Variants in FRY observed in about 807,000 individuals in gnomAD.
FRY encodes protein furry homolog.
A neutral mutation model predicts 348.4 loss-of-function variants in FRY; 128 were observed. The observed-to-expected ratio is 0.37, with a 90% CI of 0.32 to 0.43. FRY has a LOEUF of 0.43. Among genes scored for constraint, FRY ranks in the 20% least tolerant of loss-of-function variants. The pLI, the probability that FRY is intolerant of heterozygous loss-of-function variation, is 1.00. For synonymous variants in FRY, 1,370 were observed against 1,374.7 expected (o/e 1.00, Z 0.08); for missense variants, 2,736 against 3,695.2 (o/e 0.74, Z 6.73).
In FRY at chr13:32,209,147, C is replaced by T. The variant is rs113074150; in HGVS notation, c.4275+38C>T. The T allele has an allele frequency of 7.3e-4, 1,170 of 1,612,570 alleles. 6 individuals carry two copies. The African/African-American group carries it at 0.014, about 19-fold the overall frequency. ...GAATTGTGCTTCAAATAGCATGGCT[C>T]CATCATCAGAAAAAAACCCTGGGTT... is the stretch of plus-strand genomic sequence containing the variant. On this transcript the variant is annotated intron_variant, in intron 32 of 60. Transcript: ENST00000542859.
Position 32,239,215 on chromosome 13 carries a change from A to G in FRY, c.6419-37A>G, listed in dbSNP as rs778865349. Reference sequence around the variant, plus strand: ...CCACTGTTAACAGCTAAAATATACCATATTCAGCTATCTCCATTGTATCTT... The same window carrying G: ...CCACTGTTAACAGCTAAAATATACCGTATTCAGCTATCTCCATTGTATCTT... On this transcript the variant is annotated intron_variant, in intron 44 of 60. Coordinates refer to ENST00000542859, the MANE Select transcript of FRY (RefSeq NM_023037.3). The surrounding 1 kb of genome is among the most constrained non-coding windows in gnomAD (Gnocchi z 4.3). 15 of 1,212,410 alleles carry G rather than the reference A, an allele frequency of 1.2e-5. No individual in the cohort carries two copies. The highest frequency in any genetic ancestry group is 3.0e-5 in the African/African-American group (2 of 67,206). The allele number at this position is 1,212,410 out of a possible 1,614,324, so 75.1% of individuals were successfully genotyped here.
At chr13:32,275,098 G>A (rs777632245) in intron 56 of FRY, 107 bp downstream of exon 56, 2 of 1,031,092 alleles carry the variant, frequency 1.9e-6, no homozygotes, top group Non-Finnish European at 1.5e-6. Flanking sequence ...ATACCTTCTG[G>A]CCGGGTGCGG....
In FRY at chr13:32,136,953, A is replaced by G. The variant is rs759498204; in HGVS notation, c.1160A>G (p.Asn387Ser). The change falls in exon 11 of 61, where the codon AAC becomes AGC. Residue 387 changes from asparagine to serine, a missense_variant. Asn to Ser is a conservative substitution (Grantham distance 46). This residue lies in a region of FRY where 191 missense variants were observed against 370.2 expected (regional missense o/e 0.52). Coordinates refer to ENST00000542859, the MANE Select transcript of FRY (RefSeq NM_023037.3). ...AACAGGTGGCACATTTTCCTCAACA[A>G]CTGCTTGTCCAACCTTAAAGTTAGT... ...FLNRWHIFLNNCLSNLKNKDP... is the reference protein window; with the variant it reads ...FLNRWHIFLNSCLSNLKNKDP... The G allele has an allele frequency of 1.3e-5, 20 of 1,588,882 alleles. No homozygotes were observed. The highest frequency in any genetic ancestry group is 1.6e-5 in the Non-Finnish European group (19 of 1,156,992).
intron 11 of FRY, among the ~76,000 whole-genome samples, chr13:32,146,678 A>G (rs1207836426): frequency 6.6e-6 from 1 of 152,072 alleles, no homozygotes; most frequent in African/African-American, 2.4e-5. Context: ...TGAGTTTGCC[A>G]TATGTTGCCC....
intron 17 of FRY, among the ~76,000 whole-genome samples, chr13:32,168,738 T>C (rs1237745921): frequency 6.6e-6 from 1 of 152,120 alleles, no homozygotes; most frequent in Non-Finnish European, 1.5e-5. Context: ...AGACAGTAAA[T>C]ATATTCCCTG....
At chr13:32,168,097 G>A (rs556632338) in intron 17 of FRY, among the ~76,000 whole-genome samples, 95 of 152,278 alleles carry the variant, frequency 6.2e-4, no homozygotes, top group African/African-American at 2.2e-3. Flanking sequence ...ATGGAGACTG[G>A]CAGGTCCAAA....
chr13:32,209,635 A>T lies in FRY; in HGVS notation c.4326A>T (p.Leu1442Phe). 1 of 1,614,054 alleles carries T rather than the reference A, an allele frequency of 6.2e-7. No individual in the cohort carries two copies. The highest frequency in any genetic ancestry group is 1.3e-5 in the African/African-American group (1 of 75,048). ...GPEMENAWNA[L>F]ANNEKWSNNL... ...AAATGGAAAATGCTTGGAATGCTTT[A>T]GCCAACAATGAGAAATGGAGCAACA... is the stretch of plus-strand genomic sequence containing the variant. The change falls in exon 33 of 61, where the codon TTA (leucine) becomes TTT (phenylalanine). Residue 1442 changes from leucine (L) to phenylalanine (F), a missense_variant. By Grantham distance (22) the Leu-to-Phe change is conservative. Transcript: ENST00000542859.
chr13:32,259,577 G>T (rs530140204), intron 51 of FRY, among the ~76,000 whole-genome samples: 3 of 152,262 alleles, frequency 2.0e-5, no homozygotes, highest in South Asian at 4.1e-4. Flanking sequence ...CTCCAGAATC[G>T]CTGCCTAAGA....
At chr13:32,097,362 CT>C (rs34054013) in intron 2 of FRY, among the ~76,000 whole-genome samples, 1,828 of 126,452 alleles carry the variant, frequency 0.014, 31 homozygotes, top group African/African-American at 0.047. Context: ...CCTTTTTTTC[CT>C]TTTTTTTTTT....
At chr13:32,082,238 A>C (rs943880937) in intron 2 of FRY, among the ~76,000 whole-genome samples, 1 of 150,434 alleles carries the variant, frequency 6.6e-6, no homozygotes, top group African/African-American at 2.4e-5. Context: ...AAAAAAAAAA[A>C]CAGGAAATAA....
At chr13:32,079,601 A>G (rs180759002) in intron 2 of FRY, among the ~76,000 whole-genome samples, 1 of 152,308 alleles carries the variant, frequency 6.6e-6, no homozygotes, top group African/African-American at 2.4e-5. Flanking sequence ...CATTAGACAC[A>G]TGATGCCCTT....
chr13:32,261,567 A>C (rs1443105167), intron 51 of FRY, 49 bp from the exon 52 acceptor site: 1 of 1,414,308 alleles, frequency 7.1e-7, no homozygotes, highest in Admixed American at 1.7e-5. Flanking sequence ...TGAACATGTG[A>C]GTGCAAGAGG....
chr13:32,221,211 C>T (rs1432380968), intron 36 of FRY, among the ~76,000 whole-genome samples: 2 of 152,186 alleles, frequency 1.3e-5, no homozygotes, highest in Non-Finnish European at 2.9e-5. Flanking sequence ...CCTCCACCAG[C>T]TCTGTAAATG....
intron 58 of FRY, 198 bp downstream of exon 58, chr13:32,278,746 C>T (rs973581616): frequency 1.8e-5 from 12 of 676,254 alleles, no homozygotes; most frequent in African/African-American, 7.1e-5. Flanking sequence ...GAGGTTTCTT[C>T]GTTTTGGAAA....
chr13:32,149,704 T>C lies in FRY; in HGVS notation c.1393-44T>C, dbSNP rs1458015997. On this transcript the variant is annotated intron_variant, in intron 13 of 60. Coordinates refer to ENST00000542859, the MANE Select transcript of FRY (RefSeq NM_023037.3). ...TGAAAATAGCCATTTTCTGTTGAGT[T>C]TATATTTTAACACTTTCATTTTGTG... 4 of 1,173,526 alleles carry C rather than the reference T, an allele frequency of 3.4e-6. No individual in the cohort carries two copies. In the South Asian group the frequency reaches 4.9e-5, roughly 14 times the overall value. The allele number at this position is 1,173,526 out of a possible 1,614,324, so 72.7% of individuals were successfully genotyped here.
chr13:32,181,134 C>T (rs923302124), intron 23 of FRY, among the ~76,000 whole-genome samples: 3 of 151,944 alleles, frequency 2.0e-5, no homozygotes, highest in African/African-American at 4.8e-5. Context: ...TCGTGATCTG[C>T]CCACCCCGGC....
intron 31 of FRY, among the ~76,000 whole-genome samples, chr13:32,206,705 C>CATTT (rs1162185524): frequency 6.6e-6 from 1 of 152,210 alleles, no homozygotes; most frequent in African/African-American, 2.4e-5. Flanking sequence ...GTTCAACCTA[C>CATTT]ATTTCCTTGA....
chr13:32,033,309 T>A (rs1239730950), intron 1 of FRY, among the ~76,000 whole-genome samples: 7 of 152,218 alleles, frequency 4.6e-5, no homozygotes, highest in African/African-American at 7.2e-5. Context: ...TATGGAGCAG[T>A]TTTCCAATAA....
At chr13:32,112,309 G>A (rs1878022615) in intron 3 of FRY, among the ~76,000 whole-genome samples, 1 of 151,836 alleles carries the variant, frequency 6.6e-6, no homozygotes, top group South Asian at 2.1e-4. Context: ...ATTTTGGAAG[G>A]TTTATTATGT....
Sources: allele counts gnomAD v4.1 joint callset (sites outside exome capture counted in the v4.1 genomes callset), GRCh38; gene constraint gnomAD v4.1.1; regional missense constraint gnomAD v4.1.1; non-coding constraint Gnocchi (gnomAD v3.1); transcripts MANE v1.5; gene names NCBI Gene and HGNC (gene_info 2026-07-23, HGNC 2026-07-21).